Variants in CD96 observed in about 807,000 individuals in gnomAD.
The protein encoded by CD96 is CD96 molecule, also known as T-cell surface protein tactile.
CD96 carries 70 observed loss-of-function variants against 71.3 expected under a neutral mutation model. That is an observed-to-expected ratio of 0.98 (90% CI 0.81 to 1.20). The LOEUF is 1.20. Among genes scored for constraint, CD96 ranks in the 50% most tolerant of loss-of-function variants. The probability of loss-of-function intolerance (pLI) is 0.00; values close to 1 mark genes in which losing one functional copy is unlikely to be tolerated. For missense variants in CD96, 742 were observed against 677.5 expected (o/e 1.10, Z -1.06); for synonymous variants, 248 against 233.0 (o/e 1.06, Z -0.59).
chr3:111,625,594 C>T (rs1220126212), intron 10 of CD96, among the ~76,000 whole-genome samples: 1 of 152,008 alleles, frequency 6.6e-6, no homozygotes, highest in East Asian at 1.9e-4. Flanking sequence ...AAAATGTACC[C>T]CTGCCATGCA....
intron 5 of CD96, among the ~76,000 whole-genome samples, chr3:111,597,020 G>A (rs1576368538): frequency 6.6e-6 from 1 of 152,174 alleles, no homozygotes; most frequent in South Asian, 2.1e-4. Context: ...TAGCATTCTC[G>A]AATTTGGTTT....
At chr3:111,628,248 T>C (rs1259611120) in intron 10 of CD96, among the ~76,000 whole-genome samples, 2 of 152,158 alleles carry the variant, frequency 1.3e-5, no homozygotes, top group African/African-American at 4.8e-5. Context: ...AAGGAGCACA[T>C]TGTAACCCAA....
chr3:111,557,669 G>C (rs183317570), intron 2 of CD96, among the ~76,000 whole-genome samples: 8,693 of 135,442 alleles, frequency 0.064, 327 homozygotes, highest in Non-Finnish European at 0.081. Flanking sequence ...TTTTGGCTTA[G>C]GATTGACTTG....
chr3:111,593,916 T>C (rs1386255776), intron 5 of CD96: 3 of 1,613,708 alleles, frequency 1.9e-6, no homozygotes, highest in Admixed American at 3.3e-5. Flanking sequence ...CACAGTGCAG[T>C]GGTGCCCACG....
chr3:111,622,991 C>T (rs1435697069), intron 8 of CD96, among the ~76,000 whole-genome samples: 2 of 152,208 alleles, frequency 1.3e-5, no homozygotes, highest in Non-Finnish European at 2.9e-5. Context: ...CATAATTTTT[C>T]TACTGTATTT....
rs780568481 is a variant in CD96, at chr3:111,545,185, G to T, written c.201G>T (p.Leu67=). The T allele has an allele frequency of 6.2e-7, 1 of 1,614,024 alleles. No individual in the cohort carries two copies. The highest frequency in any genetic ancestry group is 1.7e-5 in the Admixed American group (1 of 60,026). ...CCAAGGTCACCAATAAGATAGACCT[G>T]ATTGCTGTCTATCATCCCCAATACG... The part of the protein sequence containing the change: ...QWSKVTNKID[L]IAVYHPQYGF... Residue 67 remains leucine (L), a synonymous_variant, in exon 2 of 14, where the codon CTG becomes CTT. Coordinates refer to ENST00000352690, the MANE Select transcript of CD96 (RefSeq NM_005816.5).
chr3:111,664,609 C>A (rs554719394), intron 14 of CD96, among the ~76,000 whole-genome samples: 4 of 152,104 alleles, frequency 2.6e-5, no homozygotes, highest in Non-Finnish European at 5.9e-5. Flanking sequence ...CTCAGCATCA[C>A]ACAATATCCT....
rs1005386238 is a variant in CD96, at chr3:111,651,236, G to T, written c.*1430G>T. 1 of 152,236 alleles carries T rather than the reference G, an allele frequency of 6.6e-6. No individual in the cohort carries two copies. Among genetic ancestry groups the T allele is most frequent in the Non-Finnish European group, 1.5e-5 (1 of 68,084 alleles). 9.4% of individuals were successfully genotyped at this position (152,236 alleles called of 1,614,324 possible). A position where few individuals can be genotyped will look rare whatever the true frequency, so the allele number is the denominator to read the frequency against. ...AGGTGCTTAACTCTTGTGGTGGCCA[G>T]CCTCCAAGATGAGCCCCAGTGTTCT... On this transcript the variant is annotated 3_prime_UTR_variant, in exon 14 of 14. Transcript: ENST00000352690.
chr3:111,600,775 A>T lies in CD96; in HGVS notation c.948A>T (p.Glu316Asp). The T allele has an allele frequency of 6.2e-7, 1 of 1,613,710 alleles. No homozygotes were observed. The highest frequency in any genetic ancestry group is 8.5e-7 in the Non-Finnish European group (1 of 1,179,624). ...GAAAAGGCAAAGATGGATTTTTGGA[A>T]CTGAAGTCTGTTTTAACAAGGGTAC... ...EERKGKDGFL[E>D]LKSVLTRVHS... Residue 316 changes from glutamate to aspartate, a missense_variant, in exon 7 of 14, where the codon GAA becomes GAT. Glu to Asp is a conservative substitution (Grantham distance 45). Coordinates refer to ENST00000352690, the MANE Select transcript of CD96 (RefSeq NM_005816.5).
At chr3:111,611,355 A>T (rs1937923880) in intron 8 of CD96, among the ~76,000 whole-genome samples, 1 of 152,232 alleles carries the variant, frequency 6.6e-6, no homozygotes, top group African/African-American at 2.4e-5. Flanking sequence ...ATTTATGAGT[A>T]AGCATGTCAG....
chr3:111,619,548 T>A (rs1026192026), intron 8 of CD96, among the ~76,000 whole-genome samples: 3 of 152,254 alleles, frequency 2.0e-5, no homozygotes, highest in Non-Finnish European at 4.4e-5. Context: ...ACAGAGTTTG[T>A]CATCTTACTT....
rs974936610 is a variant in CD96, at chr3:111,624,192, C to G, written c.1250-141C>G. On this transcript the variant is annotated intron_variant, in intron 9 of 13. Coordinates refer to ENST00000352690, the MANE Select transcript of CD96 (RefSeq NM_005816.5). ...ACAGAGCTTTTGCTTAATATGCCAG[C>G]TAGTGTTCCTGCATAGGGAAGCACA... 12 of 704,398 alleles carry G rather than the reference C, an allele frequency of 1.7e-5. No homozygotes were observed. The African/African-American group carries it at 2.1e-4, about 12-fold the overall frequency. The allele number at this position is 704,398 out of a possible 1,614,324, so 43.6% of individuals were successfully genotyped here. A position where few individuals can be genotyped will look rare whatever the true frequency, so the allele number is the denominator to read the frequency against.
At chr3:111,606,977 A>G in intron 8 of CD96, 185 bp downstream of exon 8, 2 of 655,026 alleles carry the variant, frequency 3.1e-6, no homozygotes, top group South Asian at 3.4e-5. Context: ...CCCATTTAAA[A>G]TGTATGATCT....
intron 8 of CD96, among the ~76,000 whole-genome samples, chr3:111,612,457 A>C (rs868838643): frequency 6.6e-6 from 1 of 152,234 alleles, no homozygotes; most frequent in Admixed American, 6.5e-5. Flanking sequence ...ACTAAGCAAT[A>C]ATATTAATAT....
At chr3:111,665,195 A>ATG (rs141294278) in intron 14 of CD96, among the ~76,000 whole-genome samples, 242 of 134,674 alleles carry the variant, frequency 1.8e-3, no homozygotes, top group African/African-American at 5.8e-3. Flanking sequence ...GTGTGTGTGT[A>ATG]TGTGTGTGTG....
chr3:111,623,970 G>A, intron 9 of CD96, 148 bp downstream of exon 9: 1 of 706,232 alleles, frequency 1.4e-6, no homozygotes, highest in Non-Finnish European at 2.6e-6. Context: ...TTACTCTGCG[G>A]TGACTATATA....
At chr3:111,582,101 G>A (rs567982390) in intron 4 of CD96, among the ~76,000 whole-genome samples, 1 of 152,236 alleles carries the variant, frequency 6.6e-6, no homozygotes, top group African/African-American at 2.4e-5. Context: ...TTAACTCTCT[G>A]GGACTCCCAG....
At chr3:111,615,208 A>C (rs1327412723) in intron 8 of CD96, among the ~76,000 whole-genome samples, 1 of 152,258 alleles carries the variant, frequency 6.6e-6, no homozygotes, top group African/African-American at 2.4e-5. Context: ...AAATGAAGCA[A>C]ACATGATGAG....
intron 5 of CD96, among the ~76,000 whole-genome samples, chr3:111,586,619 C>T (rs1050960547): frequency 2.6e-5 from 4 of 152,052 alleles, no homozygotes; most frequent in African/African-American, 4.8e-5. Flanking sequence ...ACAATCATGG[C>T]GGAAGGCAAG....
Sources: gnomAD v4.1 joint callset for allele counts (sites outside exome capture counted in the v4.1 genomes callset) on GRCh38, gnomAD v4.1.1 for gene constraint, MANE v1.5 for transcripts, NCBI Gene and HGNC (gene_info 2026-07-23, HGNC 2026-07-21) for gene names.